EPHB1: variants seen among roughly 807,000 people sequenced by gnomAD.
EPHB1 encodes EPH receptor B1, also known as ephrin type-B receptor 1.
In EPHB1, 30 loss-of-function variants were observed where a neutral mutation model predicts 94.4. The ratio of observed to expected loss-of-function variants is 0.32; its 90% CI spans 0.24 to 0.43. The LOEUF (loss-of-function observed/expected upper bound fraction) is 0.43, where lower values mean the gene tolerates loss of function less well. Among genes scored for constraint, EPHB1 ranks in the 20% least tolerant of loss-of-function variants. The pLI is 1.00. For synonymous variants in EPHB1, 522 were observed against 489.1 expected, an observed-to-expected ratio of 1.07 and a Z score of -0.89; for missense variants, 1,055 against 1,308.3, an observed-to-expected ratio of 0.81 and a Z score of 2.99.
intron 13 of EPHB1, among the ~76,000 whole-genome samples, chr3:135,242,778 A>G (rs1196829068): frequency 6.6e-6 from 1 of 152,196 alleles, no homozygotes; most frequent in East Asian, 1.9e-4. Flanking sequence ...ATAACATGTT[A>G]GTAGAAAAAG....
At chr3:134,948,996 GT>G (rs1460397723) in intron 2 of EPHB1, among the ~76,000 whole-genome samples, 1 of 152,234 alleles carries the variant, frequency 6.6e-6, no homozygotes, top group African/African-American at 2.4e-5. Context: ...AGAGTTGTGA[GT>G]TTGGGGATGT....
chr3:134,853,560 A>T (rs2037039314), intron 1 of EPHB1, among the ~76,000 whole-genome samples: 1 of 152,242 alleles, frequency 6.6e-6, no homozygotes, highest in Non-Finnish European at 1.5e-5. Context: ...GAAGATTACC[A>T]CTTTGGGTTG....
chr3:135,192,602 C>T lies in EPHB1; in HGVS notation c.1909C>T (p.Arg637Cys), dbSNP rs149160192. ...GGAGTTTGGAGAAGTGTACAAGGGG[C>T]GTTTGAAACTGCCAGGCAAGAGGGA... is the stretch of plus-strand genomic sequence containing the variant. The part of the protein sequence containing the change: ...AGEFGEVYKG[R>C]LKLPGKREIY... The change falls in exon 11 of 16, where the codon CGT (arginine) becomes TGT (cysteine). Residue 637 changes from arginine (R) to cysteine (C), a missense_variant. Arg to Cys is a radical substitution (Grantham distance 180, BLOSUM62 -3). Transcript: ENST00000398015. 49 of 1,613,638 alleles carry T rather than the reference C, an allele frequency of 3.0e-5. No individual in the cohort carries two copies. The East Asian group carries it at 4.5e-4, about 15-fold the overall frequency.
chr3:135,179,905 A>G lies in EPHB1; in HGVS notation c.1805A>G (p.Asp602Gly). The G allele has an allele frequency of 6.2e-7, 1 of 1,613,964 alleles. No individual in the cohort carries two copies. The highest frequency in any genetic ancestry group is 8.5e-7 in the Non-Finnish European group (1 of 1,179,836). ...KIYIDPFTYE[D>G]PNEAVREFAK... The stretch of plus-strand genomic sequence containing the variant: ...TACATTGACCCCTTCACTTACGAGG[A>G]TCCCAACGAAGCTGTCCGGGAGTTT... The change falls in exon 10 of 16, where the codon GAT becomes GGT. Residue 602 changes from aspartate to glycine, a missense_variant. Physicochemically the swap from Asp to Gly is moderately conservative, Grantham distance 94 (BLOSUM62 -1). Transcript: ENST00000398015.
chr3:135,183,026 T>TTTTCTTTTCTTTTTTTTC (rs1553745483), intron 10 of EPHB1, among the ~76,000 whole-genome samples: 1 of 94,660 alleles, frequency 1.1e-5, no homozygotes, highest in East Asian at 2.7e-4. Flanking sequence ...TTTTCTTTTC[T>TTTTCTTTTCTTTTTTTTC]TTTCTTTCTT....
At chr3:135,235,047 G>A (rs1310658077) in intron 12 of EPHB1, among the ~76,000 whole-genome samples, 2 of 152,172 alleles carry the variant, frequency 1.3e-5, no homozygotes, top group East Asian at 3.9e-4. Flanking sequence ...TGGTTCTCAG[G>A]CTTGGTTGCT....
intron 1 of EPHB1, among the ~76,000 whole-genome samples, chr3:134,841,171 C>T (rs1236833887): frequency 1.3e-5 from 2 of 152,164 alleles, no homozygotes; most frequent in Non-Finnish European, 2.9e-5. Flanking sequence ...GCTTCTACCA[C>T]TTCCAGGGAG....
intron 1 of EPHB1, among the ~76,000 whole-genome samples, chr3:134,912,770 C>T (rs977375083): frequency 6.6e-6 from 1 of 152,206 alleles, no homozygotes; most frequent in Non-Finnish European, 1.5e-5. Flanking sequence ...CAGTTTGGCT[C>T]CTGCCTACAG....
At position 135,179,972 on chromosome 3, in the gene EPHB1, C is replaced by A. The variant is rs370958852; in HGVS notation, c.1872C>A (p.Val624=). Residue 624 remains valine (V), a synonymous_variant, in exon 10 of 16, where the codon GTC becomes GTA. Coordinates refer to ENST00000398015, the MANE Select transcript of EPHB1 (RefSeq NM_004441.5). ...TATCTTTTGTGAAAATTGAAGAGGT[C>A]ATCGGAGCAGGTATGGCTCTTCCCT... ...IDVSFVKIEE[V]IGAGEFGEVY... The A allele has an allele frequency of 2.0e-5, 32 of 1,613,686 alleles. No individual in the cohort carries two copies. The African/African-American group carries it at 4.0e-4, about 20-fold the overall frequency.
chr3:134,926,442 G>A (rs961210385), intron 2 of EPHB1, among the ~76,000 whole-genome samples: 26 of 152,186 alleles, frequency 1.7e-4, no homozygotes, highest in Non-Finnish European at 2.9e-4. Flanking sequence ...AAACCATGAG[G>A]TTAGACAAGA....
intron 1 of EPHB1, among the ~76,000 whole-genome samples, chr3:134,798,474 C>T (rs1023666194): frequency 1.3e-5 from 2 of 152,196 alleles, no homozygotes; most frequent in Non-Finnish European, 2.9e-5. Flanking sequence ...CTCCTCTTCC[C>T]TCCTTTCCCC....
chr3:135,174,008 CTT>C (rs1264699884), intron 9 of EPHB1, among the ~76,000 whole-genome samples: 1 of 152,234 alleles, frequency 6.6e-6, no homozygotes, highest in African/African-American at 2.4e-5. Flanking sequence ...TGTCTTGTCT[CTT>C]CTGCTGTTCT....
chr3:135,038,543 C>G (rs941382001), intron 3 of EPHB1, among the ~76,000 whole-genome samples: 1 of 152,060 alleles, frequency 6.6e-6, no homozygotes, highest in African/African-American at 2.4e-5. Context: ...CTTGAGGCCC[C>G]CTATGTCCGG....
At chr3:135,246,594 T>A (rs1943929985) in intron 13 of EPHB1, among the ~76,000 whole-genome samples, 1 of 152,196 alleles carries the variant, frequency 6.6e-6, no homozygotes, top group Non-Finnish European at 1.5e-5. Context: ...TTTTGCTAGA[T>A]GTGTGCCCCT....
chr3:135,232,830 T>C (rs1277375610), intron 12 of EPHB1, among the ~76,000 whole-genome samples: 1 of 152,148 alleles, frequency 6.6e-6, no homozygotes, highest in Non-Finnish European at 1.5e-5. Flanking sequence ...AAACATGTCT[T>C]TCTTCACATG....
chr3:134,827,280 C>T (rs576771253), intron 1 of EPHB1, among the ~76,000 whole-genome samples: 2 of 152,334 alleles, frequency 1.3e-5, no homozygotes, highest in African/African-American at 2.4e-5. Context: ...GCTTCTTCTT[C>T]TCTATAATCT....
chr3:135,052,383 G>A (rs12629542), intron 3 of EPHB1, among the ~76,000 whole-genome samples: 1 of 152,138 alleles, frequency 6.6e-6, no homozygotes, highest in African/African-American at 2.4e-5. Flanking sequence ...TCCTGGGTTA[G>A]AAGAAAAGGC....
intron 1 of EPHB1, among the ~76,000 whole-genome samples, chr3:134,864,970 C>T (rs1284443320): frequency 6.6e-6 from 1 of 152,228 alleles, no homozygotes; most frequent in Admixed American, 6.5e-5. Flanking sequence ...AGTGAATGTT[C>T]CACGAAGAAT....
chr3:135,110,683 T>C (rs1939404399), intron 4 of EPHB1, among the ~76,000 whole-genome samples: 1 of 152,262 alleles, frequency 6.6e-6, no homozygotes, highest in Admixed American at 6.5e-5. Flanking sequence ...CAAACCATCG[T>C]GGCGATGATG....
Sources: allele counts gnomAD v4.1 joint callset (sites outside exome capture counted in the v4.1 genomes callset), GRCh38; gene constraint gnomAD v4.1.1; transcripts MANE v1.5; gene names NCBI Gene and HGNC (gene_info 2026-07-23, HGNC 2026-07-21).